The following CALD1 variants were observed in gnomAD, a reference collection of about 807,000 sequenced individuals.
The protein encoded by CALD1 is caldesmon 1.
Under a neutral mutation model 99.9 loss-of-function variants are expected in CALD1, and 33 were observed. The ratio of observed to expected loss-of-function variants is 0.33; its 90% CI spans 0.25 to 0.44. CALD1 has a LOEUF of 0.44. Ranked by LOEUF, CALD1 falls within the 20% of genes least tolerant of loss-of-function variation. CALD1 has a pLI of 1.00. For missense variants in CALD1, 861 were observed against 962.1 expected, an observed-to-expected ratio of 0.89 and a Z score of 1.39; for synonymous variants, 310 against 325.0, an observed-to-expected ratio of 0.95 and a Z score of 0.50.
At chr7:134,962,798 C>T in intron 13 of CALD1, 2 of 448,038 alleles carry the variant, frequency 4.5e-6, no homozygotes, top group South Asian at 1.6e-5. Flanking sequence ...TAAAAAAAAA[C>T]AACCAACAAT....
chr7:134,785,005 C>T (rs141267337), intron 1 of CALD1, among the ~76,000 whole-genome samples: 8 of 152,206 alleles, frequency 5.3e-5, no homozygotes, highest in Non-Finnish European at 8.8e-5. Context: ...GGCACAGGCG[C>T]GCCTAAGGAT....
At chr7:134,964,529 C>T (rs777090731) in intron 13 of CALD1, among the ~76,000 whole-genome samples, 8 of 152,144 alleles carry the variant, frequency 5.3e-5, no homozygotes, top group Admixed American at 1.3e-4. Context: ...GTTATAATAA[C>T]TCTCTCAACT....
At chr7:134,952,177 T>C (rs1424062527) in intron 9 of CALD1, among the ~76,000 whole-genome samples, 2 of 151,942 alleles carry the variant, frequency 1.3e-5, no homozygotes, top group African/African-American at 4.8e-5. Context: ...GGCGCACACC[T>C]GTAATCCCAG....
the CALD1 span, among the ~76,000 whole-genome samples, chr7:134,732,129 T>C: frequency 1.1e-4 from 16 of 152,362 alleles, no homozygotes; most frequent in African/African-American, 3.4e-4. Flanking sequence ...GACTTTCTCC[T>C]ACCTTATTTA....
chr7:134,891,394 G>T, intron 3 of CALD1: 1 of 1,269,748 alleles, frequency 7.9e-7, no homozygotes, highest in Non-Finnish European at 9.9e-7. Flanking sequence ...GATCCTGTGA[G>T]GAGGGAACGG....
chr7:134,777,883 G>GCC (rs1317607715), upstream of CALD1, among the ~76,000 whole-genome samples: 9 of 152,290 alleles, frequency 5.9e-5, no homozygotes, highest in Admixed American at 5.2e-4. Flanking sequence ...AGCAAAACTG[G>GCC]CCGTGTTCCG....
intron 7 of CALD1, 72 bp from the exon 8 acceptor site, chr7:134,947,436 C>T (rs1806973424): frequency 2.8e-6 from 4 of 1,453,242 alleles, no homozygotes; most frequent in African/African-American, 2.8e-5. Context: ...AGCCGCAGAC[C>T]GACCTCCCCT....
intron 1 of CALD1, among the ~76,000 whole-genome samples, chr7:134,814,233 G>A (rs9641997): frequency 6.6e-6 from 1 of 152,064 alleles, no homozygotes. Context: ...AATCACGAGA[G>A]GAAGTATAGA....
intron 3 of CALD1, among the ~76,000 whole-genome samples, chr7:134,906,826 G>A (rs993586374): frequency 6.6e-6 from 1 of 152,140 alleles, no homozygotes; most frequent in African/African-American, 2.4e-5. Flanking sequence ...TTTGTTTACG[G>A]GTCCCTGGGG....
the CALD1 span, among the ~76,000 whole-genome samples, chr7:134,730,447 C>T: frequency 3.0e-4 from 45 of 152,154 alleles, 1 homozygote; most frequent in Middle Eastern, 9.5e-3. Flanking sequence ...ATTCTTTCAT[C>T]CTCACAAGAG....
At chr7:134,847,224 T>C (rs1799888863) in intron 2 of CALD1, among the ~76,000 whole-genome samples, 1 of 152,180 alleles carries the variant, frequency 6.6e-6, no homozygotes, top group South Asian at 2.1e-4. Flanking sequence ...AAAGAGAAGC[T>C]TGGGTTTTTA....
chr7:134,772,159 A>G (rs1309948707), intron 1 of CALD1, among the ~76,000 whole-genome samples: 1 of 151,452 alleles, frequency 6.6e-6, no homozygotes, highest in Non-Finnish European at 1.5e-5. Context: ...CAGTGGTGCA[A>G]ACATGACTCA....
chr7:134,934,899 C>G (rs1277962799), intron 5 of CALD1, among the ~76,000 whole-genome samples: 7 of 151,536 alleles, frequency 4.6e-5, no homozygotes, highest in African/African-American at 1.7e-4. Flanking sequence ...ACAACAACAA[C>G]AACAAAAAGG....
At chr7:134,815,061 TTTC>T (rs1304484281) in intron 1 of CALD1, among the ~76,000 whole-genome samples, 1 of 152,194 alleles carries the variant, frequency 6.6e-6, no homozygotes, top group African/African-American at 2.4e-5. Context: ...TAGCTTTTCA[TTTC>T]TTATGTCAGG....
the CALD1 span, among the ~76,000 whole-genome samples, chr7:134,728,047 G>T: frequency 6.6e-6 from 1 of 152,082 alleles, no homozygotes; most frequent in African/African-American, 2.4e-5. Context: ...CTTTATGGAC[G>T]TCCTATTAAA....
At chr7:134,800,484 TAA>T (rs963674910) in intron 1 of CALD1, among the ~76,000 whole-genome samples, 3 of 152,132 alleles carry the variant, frequency 2.0e-5, no homozygotes, top group African/African-American at 7.2e-5. Context: ...TTAATACACA[TAA>T]GTTTATGATT....
chr7:134,937,646 A>G (rs1287898557), intron 6 of CALD1, among the ~76,000 whole-genome samples: 1 of 151,902 alleles, frequency 6.6e-6, no homozygotes, highest in African/African-American at 2.4e-5. Flanking sequence ...CAAAAAAAAA[A>G]AAAAGAAGAA....
chr7:134,956,047 A>G (rs1194318645), intron 9 of CALD1, among the ~76,000 whole-genome samples: 3 of 152,234 alleles, frequency 2.0e-5, no homozygotes, highest in South Asian at 4.1e-4. Context: ...AATTAAAATC[A>G]GAAAAATAAG....
At chr7:134,771,593 G>A (rs1378250088) in intron 1 of CALD1, among the ~76,000 whole-genome samples, 2 of 151,966 alleles carry the variant, frequency 1.3e-5, no homozygotes, top group African/African-American at 4.8e-5. Flanking sequence ...TGGCAATCTC[G>A]CCCCTATTCT....
Sources: gnomAD v4.1 joint callset for allele counts (sites outside exome capture counted in the v4.1 genomes callset) on GRCh38, gnomAD v4.1.1 for gene constraint, MANE v1.5 for transcripts, NCBI Gene and HGNC (gene_info 2026-07-23, HGNC 2026-07-21) for gene names.